The following LYRM7 variants were observed in gnomAD, a reference collection of about 807,000 sequenced individuals.
LYRM7 encodes the protein complex III assembly factor LYRM7.
Under a neutral mutation model 15.8 loss-of-function variants are expected in LYRM7, and 9 were observed. The ratio of observed to expected loss-of-function variants is 0.57; its 90% confidence interval spans 0.34 to 0.99. The LOEUF (loss-of-function observed/expected upper bound fraction) is 0.99. Ranked by LOEUF, LYRM7 falls within the 50% of genes least tolerant of loss-of-function variation. The probability of loss-of-function intolerance (pLI) is 0.02; values close to 1 mark genes in which losing one functional copy is unlikely to be tolerated. For synonymous variants in LYRM7, 39 were observed against 39.4 expected (o/e 0.99, Z 0.04); for missense variants, 115 against 119.1 (o/e 0.97, Z 0.16).
At chr5:131,197,128 A>G (rs541015186) in intron 4 of LYRM7, among the ~76,000 whole-genome samples, 1 of 152,320 alleles carries the variant, frequency 6.6e-6, no homozygotes, top group Admixed American at 6.5e-5. Flanking sequence ...GTAACACATG[A>G]CATTATACTA....
intron 4 of LYRM7, among the ~76,000 whole-genome samples, chr5:131,187,651 A>G (rs1362057514): frequency 6.6e-6 from 1 of 151,698 alleles, no homozygotes; most frequent in Non-Finnish European, 1.5e-5. Flanking sequence ...ATGCCCAGCT[A>G]ATTTTTGTAT....
chr5:131,181,387 TAC>T (rs1434551775), intron 2 of LYRM7, among the ~76,000 whole-genome samples: 1,106 of 94,638 alleles, frequency 0.012, 45 homozygotes, highest in African/African-American at 0.073. Context: ...ATATAATATA[TAC>T]ATATATATTA....
chr5:131,181,378 TATAATATATAC>T (rs1440007899), intron 2 of LYRM7, among the ~76,000 whole-genome samples: 1 of 92,634 alleles, frequency 1.1e-5, no homozygotes, highest in Non-Finnish European at 1.8e-5. Context: ...TATATGTATA[TATAATATATAC>T]ATATATATTA....
chr5:131,187,269 A>G (rs1431492163), intron 4 of LYRM7, among the ~76,000 whole-genome samples, 160 bp downstream of exon 4: 1 of 152,224 alleles, frequency 6.6e-6, no homozygotes, highest in Non-Finnish European at 1.5e-5. Flanking sequence ...ATAAGACTGA[A>G]TTATGAAACT....
chr5:131,174,260 G>A (rs1332986911), intron 1 of LYRM7, among the ~76,000 whole-genome samples: 3 of 152,120 alleles, frequency 2.0e-5, no homozygotes, highest in Admixed American at 6.5e-5. Flanking sequence ...AAGTTTTATC[G>A]AGATTGCAGC....
intron 3 of LYRM7, among the ~76,000 whole-genome samples, chr5:131,184,646 G>GGT (rs879828866): frequency 1.4e-5 from 2 of 144,412 alleles, no homozygotes; most frequent in African/African-American, 2.9e-5. Context: ...TTGGCGGGGG[G>GGT]GGGGTTCCAG....
intron 4 of LYRM7, among the ~76,000 whole-genome samples, chr5:131,199,322 G>A (rs1047101866): frequency 3.3e-5 from 5 of 152,098 alleles, no homozygotes; most frequent in Admixed American, 6.6e-5. Context: ...GATCATATAT[G>A]TTTTTATATA....
At chr5:131,187,883 C>G (rs1208018971) in intron 4 of LYRM7, among the ~76,000 whole-genome samples, 2 of 152,126 alleles carry the variant, frequency 1.3e-5, no homozygotes, top group African/African-American at 4.8e-5. Flanking sequence ...GATGGTGCTT[C>G]AGCAAAATCT....
At chr5:131,175,797 C>T (rs913408078) in intron 1 of LYRM7, among the ~76,000 whole-genome samples, 3 of 147,586 alleles carry the variant, frequency 2.0e-5, no homozygotes, top group African/African-American at 8.0e-5. Context: ...ATCTCGATGT[C>T]ACCCAGGCTG....
At position 131,181,297 on chromosome 5, in the gene LYRM7, AAAAAAATAT is replaced by A. The variant is rs1399381464; in HGVS notation, c.92-930_92-922del. The stretch of plus-strand genomic sequence containing the variant: ...TCTGAAAAAAAAAAAAAAAAAAAAA[AAAAAAATAT>A]ATATATATATACACACACACACACA... On this transcript the variant is annotated intron_variant, in intron 2 of 4. Transcript: ENST00000379380. 1.5e-4 allele frequency among the ~76,000 whole-genome samples: 6 copies of A among 41,240 alleles called. 1 individual carries two copies. Among genetic ancestry groups the A allele is most frequent in the African/African-American group, 9.1e-4 (6 of 6,588 alleles). 27.1% of individuals were successfully genotyped at this position (41,240 alleles called of 152,430 possible).
At chr5:131,181,422 TATATATAAC>T (rs1399443386) in intron 2 of LYRM7, among the ~76,000 whole-genome samples, 166 of 120,830 alleles carry the variant, frequency 1.4e-3, no homozygotes, top group Admixed American at 3.1e-3. Context: ...TATGTTTATA[TATATATAAC>T]ATATATATGT....
chr5:131,187,744 C>G (rs1462460606), intron 4 of LYRM7, among the ~76,000 whole-genome samples: 5 of 151,946 alleles, frequency 3.3e-5, no homozygotes, highest in Admixed American at 2.6e-4. Flanking sequence ...CTTCAGCCCC[C>G]CAAAGTGCTG....
At chr5:131,180,010 G>T (rs927815324) in intron 1 of LYRM7, 85 bp from the exon 2 acceptor site, 2 of 889,268 alleles carry the variant, frequency 2.2e-6, no homozygotes, top group Admixed American at 2.0e-5. Flanking sequence ...GGGCTAAAGC[G>T]ATCCTGCTAC....
At chr5:131,183,720 G>T (rs1034321070) in intron 3 of LYRM7, among the ~76,000 whole-genome samples, 7 of 152,060 alleles carry the variant, frequency 4.6e-5, no homozygotes, top group African/African-American at 1.7e-4. Context: ...CTCTAGACCA[G>T]CAGTTCTCAA....
intron 4 of LYRM7, among the ~76,000 whole-genome samples, chr5:131,197,846 CTG>C (rs56146861): frequency 0.28 from 40,567 of 143,016 alleles, 6,786 homozygotes; most frequent in Non-Finnish European, 0.39. Flanking sequence ...CATCTGGCCA[CTG>C]TGTGTGTGTG....
intron 1 of LYRM7, among the ~76,000 whole-genome samples, chr5:131,179,752 A>G (rs1309751832): frequency 6.6e-6 from 1 of 151,940 alleles, no homozygotes; most frequent in East Asian, 1.9e-4. Flanking sequence ...CCTGGACAAC[A>G]TGGTGAAACC....
chr5:131,185,936 A>T (rs1755789086), intron 3 of LYRM7, among the ~76,000 whole-genome samples: 1 of 152,242 alleles, frequency 6.6e-6, no homozygotes, highest in Non-Finnish European at 1.5e-5. Flanking sequence ...GTTTTCTTTG[A>T]AGTGACACAC....
chr5:131,185,782 G>C (rs998613338), intron 3 of LYRM7, among the ~76,000 whole-genome samples: 7 of 152,014 alleles, frequency 4.6e-5, no homozygotes, highest in Admixed American at 1.3e-4. Flanking sequence ...GACAAAGCAA[G>C]ACCTTGTCTC....
chr5:131,182,392 C>G, intron 3 of LYRM7, 93 bp downstream of exon 3: 1 of 1,133,094 alleles, frequency 8.8e-7, no homozygotes, highest in Non-Finnish European at 1.2e-6. Context: ...AAATAAAAAC[C>G]ATTACTTGAT....
Sources: allele counts gnomAD v4.1 joint callset (sites outside exome capture counted in the v4.1 genomes callset), GRCh38; gene constraint gnomAD v4.1.1; transcripts MANE v1.5; gene names NCBI Gene and HGNC (gene_info 2026-07-23, HGNC 2026-07-21).